Variants in FOCAD observed in about 807,000 individuals in gnomAD.
FOCAD encodes KIAA1797.
FOCAD carries 198 observed loss-of-function variants against 225.6 expected under a neutral mutation model. The observed-to-expected ratio is 0.88, with a 90% CI of 0.78 to 0.99. The LOEUF (loss-of-function observed/expected upper bound fraction) is 0.99, where lower values mean the gene tolerates loss of function less well. Ranked by LOEUF, FOCAD falls within the 50% of genes least tolerant of loss-of-function variation. FOCAD has a pLI of 0.00. For synonymous variants in FOCAD, 897 were observed against 755.0 expected, an observed-to-expected ratio of 1.19 and a Z score of -3.08; for missense variants, 2,713 against 2,123.6, an observed-to-expected ratio of 1.28 and a Z score of -5.46.
intron 43 of FOCAD, 22 bp from the exon 44 acceptor site, chr9:20,995,534 T>C (rs1564259922): frequency 6.2e-7 from 1 of 1,600,234 alleles, no homozygotes; most frequent in Admixed American, 1.7e-5. Context: ...AATGCAGCCA[T>C]ACCTATATTT....
intron 11 of FOCAD, among the ~76,000 whole-genome samples, chr9:20,816,299 G>T (rs1823722899): frequency 6.6e-6 from 1 of 152,084 alleles, no homozygotes; most frequent in African/African-American, 2.4e-5. Context: ...ATTGTGTCTT[G>T]GTAGAAATCT....
intron 33 of FOCAD, 52 bp from the exon 34 acceptor site, chr9:20,950,944 A>G: frequency 6.7e-7 from 1 of 1,502,194 alleles, no homozygotes; most frequent in Non-Finnish European, 9.3e-7. Context: ...CCTTTTATTG[A>G]ATGGAACTTG....
intron 35 of FOCAD, among the ~76,000 whole-genome samples, chr9:20,970,042 C>G (rs1268068447): frequency 6.7e-6 from 1 of 150,068 alleles, no homozygotes; most frequent in Admixed American, 6.6e-5. Context: ...TTACTGGACT[C>G]CATGGTTTCT....
Position 20,988,357 on chromosome 9 carries a change from C to T in FOCAD, c.4932C>T (p.Leu1644=), listed in dbSNP as rs754621959. The change falls in exon 41 of 44, where the codon CTC becomes CTT. Residue 1644 remains leucine, a synonymous_variant. Transcript: ENST00000338382. ...NTGVLKRMEW[L]LELMGYIRNV... is the part of the protein sequence containing the mutation. Reference sequence around the variant, plus strand: ...GCGTTTTGAAGAGAATGGAGTGGCTCTTGGAACTGATGGGTTATATTAGAA... The same window carrying T: ...GCGTTTTGAAGAGAATGGAGTGGCTTTTGGAACTGATGGGTTATATTAGAA... 5 of 1,611,048 alleles carry T rather than the reference C, an allele frequency of 3.1e-6. No homozygotes were observed. The highest frequency in any genetic ancestry group is 2.7e-5 in the African/African-American group (2 of 74,724).
Position 20,866,917 on chromosome 9 carries a change from T to TA in FOCAD, c.2107-11dup, listed in dbSNP as rs765411590. 6.5e-6 allele frequency: 5 copies of TA among 764,932 alleles called. No individual in the cohort carries two copies. The African/African-American group carries it at 8.2e-5, about 13-fold the overall frequency. The allele number at this position is 764,932 out of a possible 1,614,324, so 47.4% of individuals were successfully genotyped here. A position where few individuals can be genotyped will look rare whatever the true frequency, so the allele number is the denominator to read the frequency against. On this transcript the variant is annotated splice_polypyrimidine_tract_variant and intron_variant, in intron 17 of 43. Transcript: ENST00000338382. ...TTTTTTTTTTTTTTTTTTTTTTTTT[T>TA]ACCCTATCTAGGACCCAATTGTAGC...
At chr9:20,717,623 G>A (rs954069405) in intron 2 of FOCAD, among the ~76,000 whole-genome samples, 171 bp from the exon 3 acceptor site, 5 of 152,190 alleles carry the variant, frequency 3.3e-5, no homozygotes, top group African/African-American at 1.2e-4. Context: ...CTGAAGATTA[G>A]AAATTGTGCA....
At chr9:20,769,832 A>T (rs967635909) in intron 7 of FOCAD, among the ~76,000 whole-genome samples, 200 bp from the exon 8 acceptor site, 2 of 152,214 alleles carry the variant, frequency 1.3e-5, no homozygotes, top group African/African-American at 2.4e-5. Context: ...ACAGTAGCAA[A>T]TTGGATTTTG....
chr9:20,734,508 C>G (rs1826973818), intron 4 of FOCAD, among the ~76,000 whole-genome samples: 2 of 152,170 alleles, frequency 1.3e-5, no homozygotes, highest in South Asian at 4.1e-4. Context: ...ATGTCACATG[C>G]ATAAATCTGT....
intron 18 of FOCAD, among the ~76,000 whole-genome samples, chr9:20,870,073 T>C (rs1829630458): frequency 6.6e-6 from 1 of 152,172 alleles, no homozygotes; most frequent in Non-Finnish European, 1.5e-5. Context: ...GAATCAGTAA[T>C]GGATAAACAT....
chr9:20,714,630 G>GCCTTCCTT (rs1825160196), intron 1 of FOCAD, among the ~76,000 whole-genome samples: 2 of 120,788 alleles, frequency 1.7e-5, no homozygotes, highest in African/African-American at 7.2e-5. Flanking sequence ...CTGCCTGCCT[G>GCCTTCCTT]CCTGCCTTCC....
intron 41 of FOCAD, 51 bp from the exon 42 acceptor site, chr9:20,990,072 C>T (rs753388307): frequency 2.0e-5 from 32 of 1,606,440 alleles, no homozygotes; most frequent in Middle Eastern, 1.7e-4. Flanking sequence ...ACATGTGTTA[C>T]TTTGAATTGT....
chr9:20,862,826 AC>A, intron 16 of FOCAD, 114 bp downstream of exon 16: 2 of 1,243,906 alleles, frequency 1.6e-6, no homozygotes, highest in Non-Finnish European at 2.2e-6. Context: ...TTGTTCTGAG[AC>A]CATGTTGATA....
chr9:20,955,782 A>G (rs772939126), intron 35 of FOCAD, among the ~76,000 whole-genome samples: 1 of 151,578 alleles, frequency 6.6e-6, no homozygotes, highest in South Asian at 2.1e-4. Context: ...CTTTTGTCTG[A>G]TTTCTGATTT....
chr9:20,967,974 A>G (rs554018746), intron 35 of FOCAD, among the ~76,000 whole-genome samples: 2 of 152,258 alleles, frequency 1.3e-5, no homozygotes, highest in East Asian at 3.9e-4. Context: ...CTGATCTCTT[A>G]GAATAAGTTA....
At position 20,912,977 on chromosome 9, in the gene FOCAD, C is replaced by G. The variant is rs561491245; in HGVS notation, c.2807+23C>G. ...CTGGTAAGTGTTCATGTTCAGCTGC[C>G]CATTATTTGTCATGGGAAGTGAGCT... On this transcript the variant is annotated intron_variant, in intron 23 of 43. Transcript: ENST00000338382. 1.1e-5 allele frequency: 18 copies of G among 1,589,514 alleles called. No homozygotes were observed. The East Asian group carries it at 1.6e-4, about 14-fold the overall frequency.
chr9:20,874,520 AT>A (rs1830064353), intron 18 of FOCAD, 160 bp from the exon 19 acceptor site: 1 of 642,384 alleles, frequency 1.6e-6, no homozygotes, highest in African/African-American at 1.8e-5. Flanking sequence ...AATCTAAAAA[AT>A]GAATAGATTT....
chr9:20,882,057 G>C lies in FOCAD; in HGVS notation c.2503+1G>C. 6.2e-7 allele frequency: 1 copy of C among 1,611,906 alleles called. No homozygotes were observed. Among genetic ancestry groups the C allele is most frequent in the Non-Finnish European group, 8.5e-7 (1 of 1,179,138 alleles). On this transcript the variant is annotated splice_donor_variant, in intron 20 of 43. Coordinates refer to ENST00000338382, the MANE Select transcript of FOCAD (RefSeq NM_001375567.1). LOFTEE classifies it high-confidence loss of function. ...CCAGGACTGAAACCTGGCCTTGCAG[G>C]TAAGGGTAGTACATAGTATCAAAAA...
At chr9:20,994,707 C>A (rs1021571401) in intron 43 of FOCAD, among the ~76,000 whole-genome samples, 12 of 152,156 alleles carry the variant, frequency 7.9e-5, no homozygotes, top group African/African-American at 2.7e-4. Context: ...CTAGGGCTTA[C>A]TCTGTTTGAC....
At chr9:20,724,645 G>A (rs919519515) in intron 4 of FOCAD, among the ~76,000 whole-genome samples, 2 of 151,902 alleles carry the variant, frequency 1.3e-5, no homozygotes, top group African/African-American at 4.8e-5. Context: ...GTCAGAAAAC[G>A]TAATTTTCTT....
Sources: allele counts gnomAD v4.1 joint callset (sites outside exome capture counted in the v4.1 genomes callset), GRCh38; gene constraint gnomAD v4.1.1; transcripts MANE v1.5; gene names NCBI Gene and HGNC (gene_info 2026-07-23, HGNC 2026-07-21).